CCDC102B: variants seen among roughly 807,000 people sequenced by gnomAD.
CCDC102B encodes coiled-coil domain containing 102B, also known as coiled-coil domain-containing protein 102B.
A neutral mutation model predicts 57.4 loss-of-function variants in CCDC102B; 75 were observed. The ratio of observed to expected loss-of-function variants is 1.31; its 90% CI spans 1.08 to 1.58. CCDC102B has a LOEUF of 1.58. Among genes scored for constraint, CCDC102B ranks in the 40% most tolerant of loss-of-function variants. CCDC102B has a pLI of 0.00. For synonymous variants in CCDC102B, 206 were observed against 201.9 expected (o/e 1.02, Z -0.17); for missense variants, 636 against 582.6 (o/e 1.09, Z -0.94).
chr18:68,789,495 A>G (rs1316452076), intron 2 of CCDC102B, among the ~76,000 whole-genome samples: 6 of 151,792 alleles, frequency 4.0e-5, no homozygotes, highest in African/African-American at 1.5e-4. Context: ...GTCTTTTCAC[A>G]TAGTCCCATA....
intron 2 of CCDC102B, among the ~76,000 whole-genome samples, chr18:68,724,008 T>C (rs1356338850): frequency 1.3e-5 from 2 of 152,348 alleles, no homozygotes. Flanking sequence ...CTCTGAAATC[T>C]AGATGCAGGT....
At chr18:68,912,003 A>G in intron 6 of CCDC102B, among the ~76,000 whole-genome samples, 1 of 152,254 alleles carries the variant, frequency 6.6e-6, no homozygotes, top group Admixed American at 6.5e-5. Context: ...ACTGAACTCA[A>G]GAAAATATTT....
chr18:68,730,293 C>T (rs900524266), intron 2 of CCDC102B, among the ~76,000 whole-genome samples: 8 of 152,010 alleles, frequency 5.3e-5, no homozygotes, highest in South Asian at 4.1e-4. Context: ...AAATTTAGTG[C>T]CGTGTTTTCT....
At chr18:68,957,230 A>T (rs1384812657) in intron 6 of CCDC102B, among the ~76,000 whole-genome samples, 1 of 151,842 alleles carries the variant, frequency 6.6e-6, no homozygotes, top group East Asian at 1.9e-4. Flanking sequence ...GTTTCCCTAG[A>T]GTTTTCTTTT....
chr18:68,924,957 C>A lies in CCDC102B; in HGVS notation c.1263+27529C>A, dbSNP rs1251895255. On this transcript the variant is annotated intron_variant, in intron 6 of 7. Transcript: ENST00000360242. ...GCTGATTGGGCAAGTCTGTGACAGGCCTAAGTATCTGCATCTCTCACAAGT... is the reference window on the plus strand; with the variant it reads ...GCTGATTGGGCAAGTCTGTGACAGGACTAAGTATCTGCATCTCTCACAAGT... Among the ~76,000 whole-genome samples the A allele has an allele frequency of 3.3e-5, 5 of 152,004 alleles. No homozygotes were observed. The East Asian group carries it at 5.8e-4, about 18-fold the overall frequency.
intron 2 of CCDC102B, among the ~76,000 whole-genome samples, chr18:68,773,006 A>G (rs687247): frequency 0.98 from 149,229 of 152,134 alleles, 73,239 homozygotes; most frequent in East Asian, 1. Flanking sequence ...ACAAAGTTTT[A>G]ATTCCTGAGA....
At chr18:68,745,492 A>T (rs1334360501) in intron 2 of CCDC102B, among the ~76,000 whole-genome samples, 3 of 152,078 alleles carry the variant, frequency 2.0e-5, no homozygotes, top group African/African-American at 7.2e-5. Flanking sequence ...GTACATATTT[A>T]TGAGATACAT....
chr18:69,037,574 A>G (rs1568141707), intron 7 of CCDC102B, among the ~76,000 whole-genome samples: 1 of 152,034 alleles, frequency 6.6e-6, no homozygotes, highest in Non-Finnish European at 1.5e-5. Flanking sequence ...TCACTGAGTC[A>G]TTATTTTCAT....
upstream of CCDC102B, among the ~76,000 whole-genome samples, chr18:68,793,590 TATCCATCC>T (rs10628588): frequency 2.0e-3 from 306 of 149,298 alleles, 3 homozygotes; most frequent in African/African-American, 6.0e-3. Context: ...GTTCATAGAA[TATCCATCC>T]ATCCATCCAT....
At chr18:68,792,607 C>T (rs898786793) in intron 2 of CCDC102B, among the ~76,000 whole-genome samples, 3 of 152,144 alleles carry the variant, frequency 2.0e-5, no homozygotes, top group Non-Finnish European at 2.9e-5. Context: ...TGTTTTAGCA[C>T]TTATATCCAT....
At chr18:68,911,891 A>C (rs1231032815) in intron 6 of CCDC102B, among the ~76,000 whole-genome samples, 1 of 119,022 alleles carries the variant, frequency 8.4e-6, no homozygotes, top group Non-Finnish European at 1.9e-5. Flanking sequence ...CATGAAAACA[A>C]AAAAGTAAAA....
At chr18:68,870,916 T>C (rs896666789) in intron 4 of CCDC102B, among the ~76,000 whole-genome samples, 4 of 152,222 alleles carry the variant, frequency 2.6e-5, no homozygotes, top group Non-Finnish European at 4.4e-5. Flanking sequence ...TTTTTCTTTT[T>C]CTACCATATA....
At position 68,791,704 on chromosome 18, in the gene CCDC102B, G is replaced by T. The variant is rs148275209; in HGVS notation, c.-66-31662G>T. ...TAAGCTAAACTTTCAAAATTATCTA[G>T]TCTAATTTCCTGACTATATATATAT... On this transcript the variant is annotated intron_variant, in intron 2 of 3. Transcript: ENST00000578970. 1.8e-3 allele frequency among the ~76,000 whole-genome samples: 267 copies of T among 151,898 alleles called. 3 individuals carry two copies. In the East Asian group the frequency reaches 0.039, roughly 22 times the overall value.
chr18:68,815,633 T>G (rs2036442784), intron 1 of CCDC102B, among the ~76,000 whole-genome samples: 2 of 151,218 alleles, frequency 1.3e-5, no homozygotes, highest in African/African-American at 4.9e-5. Context: ...ATGGTATAGA[T>G]TCATCATTTC....
At chr18:68,849,375 G>A (rs2038021598) in intron 4 of CCDC102B, among the ~76,000 whole-genome samples, 1 of 151,942 alleles carries the variant, frequency 6.6e-6, no homozygotes. Context: ...CTATTCCTGT[G>A]GCTTAAAAAA....
chr18:69,054,170 G>A lies in CCDC102B; in HGVS notation c.*33G>A. The stretch of plus-strand genomic sequence containing the variant: ...ACAAAATATGCTGAATTAAAGATTA[G>A]GGCCTTAAAGACATTTCCATATCCT... On this transcript the variant is annotated 3_prime_UTR_variant, in exon 8 of 8. Coordinates refer to ENST00000360242, the MANE Select transcript of CCDC102B (RefSeq NM_024781.3). The A allele has an allele frequency of 1.3e-6, 2 of 1,554,486 alleles. No homozygotes were observed. Among genetic ancestry groups the A allele is most frequent in the Admixed American group, 2.2e-5 (1 of 46,234 alleles).
intron 6 of CCDC102B, among the ~76,000 whole-genome samples, chr18:68,940,873 C>T (rs900513307): frequency 6.6e-6 from 1 of 151,720 alleles, no homozygotes; most frequent in Non-Finnish European, 1.5e-5. Flanking sequence ...ATAGAAAGCT[C>T]AAGTAACTAA....
At chr18:68,913,171 G>A (rs1181328152) in intron 6 of CCDC102B, among the ~76,000 whole-genome samples, 4 of 152,046 alleles carry the variant, frequency 2.6e-5, no homozygotes, top group Admixed American at 2.0e-4. Context: ...AATTCCCACA[G>A]CATTTGGCAG....
chr18:68,731,368 T>C (rs940325735), intron 2 of CCDC102B, among the ~76,000 whole-genome samples: 2 of 152,166 alleles, frequency 1.3e-5, no homozygotes, highest in African/African-American at 4.8e-5. Flanking sequence ...CCTGTGTCCT[T>C]TTGATCTGAT....
Sources: allele counts gnomAD v4.1 joint callset (sites outside exome capture counted in the v4.1 genomes callset), GRCh38; gene constraint gnomAD v4.1.1; transcripts MANE v1.5; gene names NCBI Gene and HGNC (gene_info 2026-07-23, HGNC 2026-07-21).